COL5A2: variants seen among roughly 807,000 people sequenced by gnomAD.
COL5A2 encodes the protein collagen type V alpha 2 chain.
COL5A2 carries 23 observed loss-of-function variants against 208.2 expected under a neutral mutation model. The ratio of observed to expected loss-of-function variants is 0.11; its 90% CI spans 0.08 to 0.16. COL5A2 has a LOEUF of 0.16. Ranked by LOEUF, COL5A2 falls within the 10% of genes least tolerant of loss-of-function variation. The pLI is 1.00. For missense variants in COL5A2, 1,590 were observed against 1,956.4 expected (o/e 0.81, Z 3.53); for synonymous variants, 625 against 628.5 (o/e 0.99, Z 0.08).
At chr2:189,046,996 C>G (rs1335400572) in intron 45 of COL5A2, among the ~76,000 whole-genome samples, 1 of 151,988 alleles carries the variant, frequency 6.6e-6, no homozygotes, top group Non-Finnish European at 1.5e-5. Flanking sequence ...GTGGCACATG[C>G]CTGCAGTCCC....
At chr2:189,354,577 T>C in the COL5A2 span, among the ~76,000 whole-genome samples, 1 of 152,224 alleles carries the variant, frequency 6.6e-6, no homozygotes, top group Non-Finnish European at 1.5e-5. Context: ...GAGGTGTTTA[T>C]AATATTCTCT....
the COL5A2 span, among the ~76,000 whole-genome samples, chr2:189,318,655 A>G: frequency 6.6e-6 from 1 of 152,228 alleles, no homozygotes; most frequent in East Asian, 1.9e-4. Flanking sequence ...ACAAGAGAAC[A>G]CTTTGAAGCA....
chr2:189,161,109 C>T (rs1262623215), intron 1 of COL5A2, among the ~76,000 whole-genome samples: 1 of 150,812 alleles, frequency 6.6e-6, no homozygotes, highest in Non-Finnish European at 1.5e-5. Context: ...TGTGGGCCAC[C>T]GCGCCCGGCT....
At chr2:189,070,683 AT>A (rs779175412) in intron 18 of COL5A2, among the ~76,000 whole-genome samples, 1 of 152,148 alleles carries the variant, frequency 6.6e-6, no homozygotes, top group Non-Finnish European at 1.5e-5. Flanking sequence ...TAATTCATAG[AT>A]TTGTGAGTAT....
chr2:189,118,942 TAA>T (rs11291106), intron 1 of COL5A2, among the ~76,000 whole-genome samples: 7 of 151,602 alleles, frequency 4.6e-5, no homozygotes, highest in African/African-American at 7.3e-5. Context: ...ATAGAATCTT[TAA>T]AAAAAAAACT....
At chr2:189,065,168 C>G in intron 23 of COL5A2, 111 bp from the exon 24 acceptor site, 1 of 949,352 alleles carries the variant, frequency 1.1e-6, no homozygotes, top group Non-Finnish European at 1.7e-6. Context: ...CATCATCAAG[C>G]CAACATGGCT....
chr2:189,235,205 G>A, the COL5A2 span, among the ~76,000 whole-genome samples: 1 of 151,624 alleles, frequency 6.6e-6, no homozygotes, highest in Admixed American at 6.6e-5. Flanking sequence ...CTATGACTCA[G>A]TAGAGTTTCT....
At chr2:189,396,447 GTGAATCACGAGGT>G in the COL5A2 span, among the ~76,000 whole-genome samples, 1 of 151,910 alleles carries the variant, frequency 6.6e-6, no homozygotes, top group African/African-American at 2.4e-5. Context: ...GCTGAGGCGG[GTGAATCACGAGGT>G]CAGGAGATTG....
the COL5A2 span, chr2:189,311,449 G>A: frequency 8.8e-7 from 1 of 1,132,760 alleles, no homozygotes; most frequent in Non-Finnish European, 1.3e-6. Flanking sequence ...TGACCTCGAT[G>A]TTCAGCAGGG....
At chr2:189,353,716 C>T in the COL5A2 span, among the ~76,000 whole-genome samples, 1 of 152,152 alleles carries the variant, frequency 6.6e-6, no homozygotes, top group African/African-American at 2.4e-5. Flanking sequence ...TCTAAATATA[C>T]AATCATGTCA....
intron 1 of COL5A2, among the ~76,000 whole-genome samples, chr2:189,124,678 T>C (rs550299637): frequency 2.0e-5 from 3 of 152,150 alleles, no homozygotes; most frequent in African/African-American, 7.2e-5. Context: ...TTTCATTTTC[T>C]TTCATTTTTC....
chr2:189,380,645 A>T, the COL5A2 span, among the ~76,000 whole-genome samples: 1 of 151,694 alleles, frequency 6.6e-6, no homozygotes, highest in African/African-American at 2.4e-5. Context: ...AAAATATAAA[A>T]ATTTTTTTAA....
chr2:189,288,989 T>C, the COL5A2 span, among the ~76,000 whole-genome samples: 1 of 152,178 alleles, frequency 6.6e-6, no homozygotes, highest in Non-Finnish European at 1.5e-5. Context: ...GAAAAAGCAT[T>C]TGACAAAATT....
chr2:189,356,691 C>T, the COL5A2 span, among the ~76,000 whole-genome samples: 1 of 152,172 alleles, frequency 6.6e-6, no homozygotes, highest in Admixed American at 6.5e-5. Context: ...GCTCCTTTAA[C>T]TCGGAGGAGT....
chr2:189,122,532 C>T (rs1219809558), intron 1 of COL5A2, among the ~76,000 whole-genome samples: 2 of 152,122 alleles, frequency 1.3e-5, no homozygotes, highest in Non-Finnish European at 1.5e-5. Flanking sequence ...TAACGACATG[C>T]CCACATGGAA....
chr2:189,103,069 T>C (rs1469564826), intron 3 of COL5A2, among the ~76,000 whole-genome samples: 2 of 152,036 alleles, frequency 1.3e-5, no homozygotes, highest in South Asian at 2.1e-4. Context: ...GCAGTACTCA[T>C]TGTTAGGATT....
At chr2:189,327,072 A>AAATAAT in the COL5A2 span, among the ~76,000 whole-genome samples, 128 of 148,262 alleles carry the variant, frequency 8.6e-4, no homozygotes, top group Admixed American at 2.4e-3. Context: ...TTCTGTCTCG[A>AAATAAT]AATAATAATA....
the COL5A2 span, among the ~76,000 whole-genome samples, chr2:189,292,024 G>A: frequency 1.3e-5 from 2 of 152,164 alleles, no homozygotes; most frequent in South Asian, 4.2e-4. Flanking sequence ...ATCACTTTAA[G>A]CAATGGATAG....
At chr2:189,258,351 T>A in the COL5A2 span, among the ~76,000 whole-genome samples, 4 of 152,158 alleles carry the variant, frequency 2.6e-5, no homozygotes, top group African/African-American at 9.7e-5. Context: ...AACTAAAACA[T>A]TGCAGCTGAC....
Sources: allele counts gnomAD v4.1 joint callset (sites outside exome capture counted in the v4.1 genomes callset), GRCh38; gene constraint gnomAD v4.1.1; transcripts MANE v1.5; gene names NCBI Gene and HGNC (gene_info 2026-07-23, HGNC 2026-07-21).